Variants in HLA-DQB2 observed in about 807,000 individuals in gnomAD.
The protein encoded by HLA-DQB2 is HLA class II histocompatibility antigen, DQ beta 2 chain.
Under a neutral mutation model 29.2 loss-of-function variants are expected in HLA-DQB2, and 24 were observed. The ratio of observed to expected loss-of-function variants is 0.82; its 90% CI spans 0.60 to 1.16. The LOEUF (loss-of-function observed/expected upper bound fraction) is 1.16, where lower values mean the gene tolerates loss of function less well. Among genes scored for constraint, HLA-DQB2 ranks in the 50% most tolerant of loss-of-function variants. The pLI, the probability that HLA-DQB2 is intolerant of heterozygous loss-of-function variation, is 0.00. For synonymous variants in HLA-DQB2, 104 were observed against 133.1 expected (o/e 0.78, Z 1.51); for missense variants, 273 against 343.6 (o/e 0.79, Z 1.62).
chr6:32,758,483 A>G (rs1384048001), intron 3 of HLA-DQB2, among the ~76,000 whole-genome samples: 1 of 152,212 alleles, frequency 6.6e-6, no homozygotes, highest in Non-Finnish European at 1.5e-5. Context: ...CTACAGCCTC[A>G]GAATCATAAG....
At chr6:32,756,570 G>A in intron 5 of HLA-DQB2, 104 bp from the exon 6 acceptor site, 1 of 1,512,564 alleles carries the variant, frequency 6.6e-7, no homozygotes, top group East Asian at 2.5e-5. Flanking sequence ...AGGATGCTGA[G>A]GTCCAGGGCA....
In HLA-DQB2 at chr6:32,756,253, G is replaced by A; in HGVS notation, c.*200C>T. On this transcript the variant is annotated 3_prime_UTR_variant, in exon 6 of 6. Transcript: ENST00000437316. ...CACAGCTTGCAGTGCACAGGCAGAGGCTCTGGGTCAGTGCAGGAAGCAGAG... is the reference window on the plus strand; with the variant it reads ...CACAGCTTGCAGTGCACAGGCAGAGACTCTGGGTCAGTGCAGGAAGCAGAG... The A allele has an allele frequency of 1.7e-6, 1 of 602,968 alleles. No homozygotes were observed. The highest frequency in any genetic ancestry group is 3.0e-6 in the Non-Finnish European group (1 of 334,090). The allele number at this position is 602,968 out of a possible 1,614,324, so 37.4% of individuals were successfully genotyped here. A position where few individuals can be genotyped will look rare whatever the true frequency, so the allele number is the denominator to read the frequency against.
intron 2 of HLA-DQB2, 146 bp downstream of exon 2, chr6:32,761,514 C>A (rs993281935): frequency 1.9e-5 from 17 of 893,220 alleles, no homozygotes; most frequent in Non-Finnish European, 2.8e-5. Flanking sequence ...CCGATACTAC[C>A]CCAGCCTCCA....
At chr6:32,757,474 C>G (rs1019371683) in intron 4 of HLA-DQB2, among the ~76,000 whole-genome samples, 170 bp from the exon 5 acceptor site, 1 of 152,176 alleles carries the variant, frequency 6.6e-6, no homozygotes, top group Non-Finnish European at 1.5e-5. Flanking sequence ...AGGAAATTGT[C>G]ACTAGAAGAC....
chr6:32,762,813 A>G (rs1436547395), intron 1 of HLA-DQB2, among the ~76,000 whole-genome samples: 1 of 151,936 alleles, frequency 6.6e-6, no homozygotes, highest in African/African-American at 2.4e-5. Flanking sequence ...TCAGTCCACC[A>G]TCAACTCAGG....
intron 3 of HLA-DQB2, among the ~76,000 whole-genome samples, chr6:32,758,219 T>C (rs116383515): frequency 0.047 from 7,222 of 152,258 alleles, 200 homozygotes; most frequent in South Asian, 0.081. Context: ...CAATTGTAAT[T>C]AACAATGTTG....
rs185581808 is a variant in HLA-DQB2 at position 32,757,210 on chromosome 6, C to T, written c.781+71G>A. On this transcript the variant is annotated intron_variant, in intron 5 of 5. Coordinates refer to ENST00000437316, the MANE Select transcript of HLA-DQB2 (RefSeq NM_001300790.2). ...AATTTTTGTATTTTTAGTAGAGATG[C>T]GGTTTCACCATGGCTCTTCCCTCTT... 363 of 1,546,322 alleles carry T rather than the reference C, an allele frequency of 2.3e-4. 2 individuals carry two copies. In the African/African-American group the frequency reaches 3.6e-3, roughly 15 times the overall value.
In HLA-DQB2 at chr6:32,756,476, A is replaced by G. The variant is rs753317172; in HGVS notation, c.782-10T>C. On this transcript the variant is annotated splice_polypyrimidine_tract_variant and intron_variant, in intron 5 of 5. Coordinates refer to ENST00000437316, the MANE Select transcript of HLA-DQB2 (RefSeq NM_001300790.2). Reference sequence around the variant, plus strand: ...AGTCAGTGCAGGAGTCCTGGAGAAGAGAGACGAGGCATGATCAGCACAGGG... The same window carrying G: ...AGTCAGTGCAGGAGTCCTGGAGAAGGGAGACGAGGCATGATCAGCACAGGG... 2 of 1,573,958 alleles carry G rather than the reference A, an allele frequency of 1.3e-6. No individual in the cohort carries two copies. Among genetic ancestry groups the G allele is most frequent in the Non-Finnish European group, 1.7e-6 (2 of 1,154,514 alleles).
At chr6:32,761,617 C>T in intron 2 of HLA-DQB2, 43 bp downstream of exon 2, 1 of 1,513,296 alleles carries the variant, frequency 6.6e-7, no homozygotes, top group Non-Finnish European at 8.8e-7. Flanking sequence ...GAGACTCGGG[C>T]CCCGGCCAAG....
At chr6:32,759,943 C>T (rs1453248048) in intron 2 of HLA-DQB2, among the ~76,000 whole-genome samples, 1 of 152,130 alleles carries the variant, frequency 6.6e-6, no homozygotes, top group African/African-American at 2.4e-5. Context: ...TCTGCTTGGA[C>T]TTGAACTTTT....
intron 1 of HLA-DQB2, 135 bp from the exon 2 acceptor site, chr6:32,762,061 G>T: frequency 8.3e-7 from 1 of 1,209,656 alleles, no homozygotes; most frequent in Middle Eastern, 2.9e-4. Context: ...TTGAGTTCTT[G>T]GCTGGGCCCG....
rs369280956 is a variant in HLA-DQB2 at position 32,761,974 on chromosome 6, C to T, written c.98-48G>A. 119 of 1,568,874 alleles carry T rather than the reference C, an allele frequency of 7.6e-5. 1 individual carries two copies. The African/African-American group carries it at 1.5e-3, about 20-fold the overall frequency. ...AGTCAGGCCCCAGCACGGCCCTAGC[C>T]CCAGCCCCCAGCCGGACCGCACCCT... On this transcript the variant is annotated intron_variant, in intron 1 of 5. Transcript: ENST00000437316.
chr6:32,763,346 C>A, intron 1 of HLA-DQB2, 28 bp downstream of exon 1: 1 of 1,386,530 alleles, frequency 7.2e-7, no homozygotes, highest in Non-Finnish European at 1.0e-6. Context: ...ACAGTGGTGG[C>A]TCTCGAGAGC....
At chr6:32,760,975 T>C (rs1251899196) in intron 2 of HLA-DQB2, among the ~76,000 whole-genome samples, 1 of 152,282 alleles carries the variant, frequency 6.6e-6, no homozygotes, top group Non-Finnish European at 1.5e-5. Context: ...TATTCATTAA[T>C]TTAACAGAAG....
chr6:32,757,126 T>C, intron 5 of HLA-DQB2, 155 bp downstream of exon 5: 3 of 1,456,850 alleles, frequency 2.1e-6, no homozygotes, highest in Non-Finnish European at 2.8e-6. Flanking sequence ...TTCAAGTGAT[T>C]CTCTTGCCTC....
chr6:32,761,773 C>G lies in HLA-DQB2; in HGVS notation c.251G>C (p.Ser84Thr), dbSNP rs1375594403. ...CTTATAGTTGTTCCAGTCCTCGATG[C>G]TCCGCCCCAGCTCGGTCACCGCCTG... is the stretch of plus-strand genomic sequence containing the variant. Reference protein sequence around the residue: ...EFQAVTELGRSIEDWNNYKDF... With the variant: ...EFQAVTELGRTIEDWNNYKDF... The change falls in exon 2 of 6, where the codon AGC becomes ACC. Residue 84 changes from serine to threonine, a missense_variant. Ser to Thr is a moderately conservative substitution (Grantham distance 58). Transcript: ENST00000437316. 5.1e-6 allele frequency: 8 copies of G among 1,573,812 alleles called. No homozygotes were observed. Among genetic ancestry groups the G allele is most frequent in the Non-Finnish European group, 6.9e-6 (8 of 1,160,350 alleles).
intron 2 of HLA-DQB2, among the ~76,000 whole-genome samples, chr6:32,760,038 G>A (rs1023987958): frequency 6.6e-6 from 1 of 152,108 alleles, no homozygotes; most frequent in African/African-American, 2.4e-5. Flanking sequence ...TAAAAAGACT[G>A]AAAGTAAAAA....
At position 32,763,506 on chromosome 6, in the gene HLA-DQB2, TG is replaced by T; in HGVS notation, c.-37del. 7.2e-7 allele frequency: 1 copy of T among 1,389,028 alleles called. No individual in the cohort carries two copies. The highest frequency in any genetic ancestry group is 1.0e-6 in the Non-Finnish European group (1 of 998,548). The allele number at this position is 1,389,028 out of a possible 1,614,324, so 86.0% of individuals were successfully genotyped here. A position where few individuals can be genotyped will look rare whatever the true frequency, so the allele number is the denominator to read the frequency against. ...GTAAGTGAGACCAAGGAAAAAGCAG[TG>T]GTAGTCAACACAGCTCAAACCTAAT... is the stretch of plus-strand genomic sequence containing the variant. On this transcript the variant is annotated 5_prime_UTR_variant, in exon 1 of 6. Coordinates refer to ENST00000437316, the MANE Select transcript of HLA-DQB2 (RefSeq NM_001300790.2).
At chr6:32,759,725 T>C (rs1407846508) in intron 2 of HLA-DQB2, among the ~76,000 whole-genome samples, 1 of 152,254 alleles carries the variant, frequency 6.6e-6, no homozygotes, top group African/African-American at 2.4e-5. Context: ...TCCATCCCCT[T>C]GCTATTGAGA....
Sources: allele counts gnomAD v4.1 joint callset (sites outside exome capture counted in the v4.1 genomes callset), GRCh38; gene constraint gnomAD v4.1.1; transcripts MANE v1.5; gene names NCBI Gene and HGNC (gene_info 2026-07-23, HGNC 2026-07-21).